CMIP: variants seen among roughly 807,000 people sequenced by gnomAD.
CMIP encodes c-Maf inducing protein.
Under a neutral mutation model 97.3 loss-of-function variants are expected in CMIP, and 13 were observed. That is an observed-to-expected ratio of 0.13 (90% CI 0.09 to 0.21). The LOEUF is 0.21. Ranked by LOEUF, CMIP falls within the 10% of genes least tolerant of loss-of-function variation. The pLI is 1.00. For missense variants in CMIP, 847 were observed against 1,024.9 expected (o/e 0.83, Z 2.37); for synonymous variants, 538 against 436.3 (o/e 1.23, Z -2.91).
chr16:81,542,515 A>G (rs185754223), intron 1 of CMIP, among the ~76,000 whole-genome samples: 5 of 152,102 alleles, frequency 3.3e-5, no homozygotes, highest in Admixed American at 3.3e-4. Context: ...GTTTTTCTGG[A>G]CCTTCATCTG....
chr16:81,678,641 C>CCA lies in CMIP; in HGVS notation c.1388+14_1388+15insAC, dbSNP rs756077297. ...TCCTCAAGCTGCTGTGAGTGCCCCCCCCGCGTGCCCGCCCCCGGGGCCGGT... is the reference window on the plus strand; with the variant it reads ...TCCTCAAGCTGCTGTGAGTGCCCCCCCACCGCGTGCCCGCCCCCGGGGCCGGT... On this transcript the variant is annotated intron_variant, in intron 10 of 20. Coordinates refer to ENST00000537098, the MANE Select transcript of CMIP (RefSeq NM_198390.3). 2.7e-5 allele frequency: 36 copies of CCA among 1,318,112 alleles called. No individual in the cohort carries two copies. The highest frequency in any genetic ancestry group is 3.4e-5 in the Non-Finnish European group (32 of 931,948). 81.7% of individuals were successfully genotyped at this position (1,318,112 alleles called of 1,614,324 possible).
At chr16:81,506,721 T>C (rs1428638504) in intron 1 of CMIP, among the ~76,000 whole-genome samples, 1 of 152,188 alleles carries the variant, frequency 6.6e-6, no homozygotes, top group East Asian at 1.9e-4. Context: ...GAGACCAGCC[T>C]GGCCACACTA....
At chr16:81,574,139 C>A (rs115311953) in intron 1 of CMIP, among the ~76,000 whole-genome samples, 4 of 152,234 alleles carry the variant, frequency 2.6e-5, no homozygotes, top group Non-Finnish European at 5.9e-5. Context: ...AGTGCAGATA[C>A]AGAACATTTC....
At chr16:81,706,990 C>T (rs577445829) in intron 19 of CMIP, 24 bp from the exon 20 acceptor site, 1 of 1,610,312 alleles carries the variant, frequency 6.2e-7, no homozygotes, top group Non-Finnish European at 8.5e-7. Flanking sequence ...GCTCTCCTAA[C>T]AACTGTATCT....
chr16:81,696,589 C>G lies in CMIP; in HGVS notation c.1560C>G (p.Ala520=). 1 of 1,606,288 alleles carries G rather than the reference C, an allele frequency of 6.2e-7. No homozygotes were observed. Among genetic ancestry groups the G allele is most frequent in the Non-Finnish European group, 8.5e-7 (1 of 1,179,804 alleles). ...ACTCATGCCTGCTGAGCGTGCGGGC[C>G]GGCAAAGATGGCTGGTTCCAGCTCT... ...EVHSCLLSVR[A]GKDGWFQLYS... The change falls in exon 14 of 21, where the codon GCC becomes GCG. Residue 520 remains alanine, a synonymous_variant. Transcript: ENST00000537098.
chr16:81,498,222 G>T (rs1410410263), intron 1 of CMIP, among the ~76,000 whole-genome samples: 1 of 152,196 alleles, frequency 6.6e-6, no homozygotes, highest in African/African-American at 2.4e-5. Context: ...AGTCAAGAAG[G>T]TTCAATGAAA....
intron 1 of CMIP, among the ~76,000 whole-genome samples, chr16:81,459,390 C>T (rs1437015614): frequency 6.6e-6 from 1 of 152,072 alleles, no homozygotes; most frequent in Non-Finnish European, 1.5e-5. Context: ...CGTGACCCTG[C>T]TCCGTGACCT....
chr16:81,479,222 T>G (rs1194506572), intron 1 of CMIP, among the ~76,000 whole-genome samples: 1 of 152,124 alleles, frequency 6.6e-6, no homozygotes, highest in Non-Finnish European at 1.5e-5. Context: ...TACTCGAAGT[T>G]GCTCGCCTGG....
intron 1 of CMIP, among the ~76,000 whole-genome samples, chr16:81,544,633 T>C (rs1056346357): frequency 7.2e-5 from 11 of 151,824 alleles, no homozygotes; most frequent in South Asian, 6.3e-4. Context: ...TGTGTGCATG[T>C]GTGTGTGCCT....
chr16:81,670,746 G>T (rs2092675952), intron 8 of CMIP, among the ~76,000 whole-genome samples: 1 of 152,006 alleles, frequency 6.6e-6, no homozygotes, highest in Admixed American at 6.5e-5. Context: ...GCTCCAGTGA[G>T]TAGGAGACAC....
At chr16:81,543,015 C>T (rs1021804097) in intron 1 of CMIP, among the ~76,000 whole-genome samples, 1 of 152,352 alleles carries the variant, frequency 6.6e-6, no homozygotes, top group Admixed American at 6.5e-5. Flanking sequence ...TAGCGAGAGG[C>T]CGCTTGGGAG....
chr16:81,673,652 G>A (rs535863779), intron 9 of CMIP, among the ~76,000 whole-genome samples: 2 of 152,360 alleles, frequency 1.3e-5, no homozygotes, highest in African/African-American at 4.8e-5. Flanking sequence ...GCTCCGCCGA[G>A]GCTGGCGGTG....
chr16:81,664,584 A>G (rs1247118455), intron 7 of CMIP: 6 of 582,390 alleles, frequency 1.0e-5, no homozygotes, highest in Non-Finnish European at 1.8e-5. Context: ...AAAATACCGC[A>G]GCTGGAGGAG....
chr16:81,515,829 G>T (rs1015928540), intron 1 of CMIP, among the ~76,000 whole-genome samples: 3 of 152,108 alleles, frequency 2.0e-5, no homozygotes, highest in Non-Finnish European at 2.9e-5. Context: ...CCCGTGGGAG[G>T]AGCTGCTAGG....
At chr16:81,670,308 A>C (rs1419901666) in intron 8 of CMIP, 63 bp downstream of exon 8, 39 of 1,514,226 alleles carry the variant, frequency 2.6e-5, no homozygotes, top group Non-Finnish European at 3.2e-5. Flanking sequence ...GATCCTGTTT[A>C]CTCAGATATC....
chr16:81,527,142 C>T lies in CMIP; in HGVS notation c.301-80425C>T, dbSNP rs370973299. Among the ~76,000 whole-genome samples, 65 of 152,306 alleles carry T rather than the reference C, an allele frequency of 4.3e-4. No homozygotes were observed. In the South Asian group the frequency reaches 0.011, roughly 27 times the overall value. On this transcript the variant is annotated intron_variant, in intron 1 of 20. Coordinates refer to ENST00000537098, the MANE Select transcript of CMIP (RefSeq NM_198390.3). ...TCTGCTACAGAATTTCTCAGCTCTC[C>T]AGCTCGTTGGCTCAAAGTGTGTCAG...
At chr16:81,687,467 T>A (rs1474516915) in intron 10 of CMIP, among the ~76,000 whole-genome samples, 2 of 152,180 alleles carry the variant, frequency 1.3e-5, no homozygotes, top group Non-Finnish European at 2.9e-5. Flanking sequence ...GCGGAGTCCC[T>A]ATAGCCAGAG....
At chr16:81,530,546 G>A (rs565578228) in intron 1 of CMIP, among the ~76,000 whole-genome samples, 2 of 152,194 alleles carry the variant, frequency 1.3e-5, no homozygotes, top group East Asian at 3.9e-4. Context: ...GACTTTCCTG[G>A]CAGTTCACTC....
intron 3 of CMIP, among the ~76,000 whole-genome samples, chr16:81,622,458 C>T (rs903548402): frequency 3.3e-5 from 5 of 152,020 alleles, no homozygotes; most frequent in East Asian, 3.9e-4. Flanking sequence ...TACTGGGGAC[C>T]GTCTGGGGGT....
Sources: gnomAD v4.1 joint callset for allele counts (sites outside exome capture counted in the v4.1 genomes callset) on GRCh38, gnomAD v4.1.1 for gene constraint, MANE v1.5 for transcripts, NCBI Gene and HGNC (gene_info 2026-07-23, HGNC 2026-07-21) for gene names.